GON4L: variants seen among roughly 807,000 people sequenced by gnomAD.
GON4L encodes the protein gon-4 like, also known as GON-4-like protein.
In GON4L, 87 loss-of-function variants were observed where a neutral mutation model predicts 211.8. The ratio of observed to expected loss-of-function variants is 0.41; its 90% CI spans 0.35 to 0.49. The LOEUF (loss-of-function observed/expected upper bound fraction) is 0.49. Among genes scored for constraint, GON4L ranks in the 20% least tolerant of loss-of-function variants. The probability of loss-of-function intolerance (pLI) is 0.15; values close to 1 mark genes in which losing one functional copy is unlikely to be tolerated. For missense variants in GON4L, 2,155 were observed against 2,659.5 expected, an observed-to-expected ratio of 0.81 and a Z score of 4.17; for synonymous variants, 875 against 962.6, an observed-to-expected ratio of 0.91 and a Z score of 1.68.
At position 155,749,844 on chromosome 1, in the gene GON4L, G is replaced by A; in HGVS notation, c.*740C>T. ...GTTTACAATCAAGTCTACTAAGGTT[G>A]GACTTCCTTATCAGTTTGGCGAGTC... On this transcript the variant is annotated 3_prime_UTR_variant, in exon 32 of 32. Transcript: ENST00000368331. The A allele has an allele frequency of 3.8e-6, 6 of 1,586,206 alleles. No individual in the cohort carries two copies. Among genetic ancestry groups the A allele is most frequent in the South Asian group, 1.1e-5 (1 of 88,028 alleles).
At chr1:155,853,159 A>G in intron 2 of GON4L, 117 bp downstream of exon 2, 1 of 984,392 alleles carries the variant, frequency 1.0e-6, no homozygotes. Context: ...CAGCAGTTCC[A>G]ATTCCGTACC....
intron 3 of GON4L, among the ~76,000 whole-genome samples, chr1:155,823,218 C>T (rs899676441): frequency 2.0e-5 from 3 of 152,164 alleles, no homozygotes; most frequent in Non-Finnish European, 4.4e-5. Context: ...TGTGAGCCAC[C>T]GTACCTGGCC....
intron 2 of GON4L, among the ~76,000 whole-genome samples, chr1:155,852,900 G>A (rs1571952496): frequency 1.3e-5 from 2 of 152,184 alleles, no homozygotes; most frequent in African/African-American, 4.8e-5. Flanking sequence ...ATCACCTGAG[G>A]TCAGGAGTTC....
chr1:155,856,844 G>A (rs1249351883), intron 1 of GON4L, among the ~76,000 whole-genome samples: 1 of 148,850 alleles, frequency 6.7e-6, no homozygotes, highest in East Asian at 1.9e-4. Context: ...GCAGTAGCTC[G>A]ACAGAATCCA....
At chr1:155,834,368 A>G (rs145025651) in intron 2 of GON4L, among the ~76,000 whole-genome samples, 44 of 152,174 alleles carry the variant, frequency 2.9e-4, no homozygotes, top group African/African-American at 1.1e-3. Context: ...CCTCAAGGCA[A>G]GGTTGTCTTC....
chr1:155,753,195 A>C lies in GON4L; in HGVS notation c.5842+9T>G. 1 of 1,595,190 alleles carries C rather than the reference A, an allele frequency of 6.3e-7. No homozygotes were observed. Among genetic ancestry groups the C allele is most frequent in the African/African-American group, 1.4e-5 (1 of 73,402 alleles). On this transcript the variant is annotated intron_variant, in intron 29 of 31. Coordinates refer to ENST00000368331, the MANE Select transcript of GON4L (RefSeq NM_001282860.2). ...AGGAACAGAAGGGCTGCGTTGGCAA[A>C]TCACTCACCTGAAACAGGCATCTCT...
chr1:155,790,950 A>C (rs550953051), intron 12 of GON4L, among the ~76,000 whole-genome samples: 1 of 149,546 alleles, frequency 6.7e-6, no homozygotes, highest in Non-Finnish European at 1.5e-5. Flanking sequence ...CTCAAAAAAA[A>C]ACCAACAAAC....
At chr1:155,785,983 C>G (rs1361837006) in intron 12 of GON4L, among the ~76,000 whole-genome samples, 1 of 152,012 alleles carries the variant, frequency 6.6e-6, no homozygotes, top group African/African-American at 2.4e-5. Context: ...GTAGTCCCAG[C>G]TACTCGGGAG....
chr1:155,807,227 C>T (rs1346781655), intron 10 of GON4L, among the ~76,000 whole-genome samples: 2 of 151,998 alleles, frequency 1.3e-5, no homozygotes, highest in Non-Finnish European at 2.9e-5. Context: ...CAGCAAGACC[C>T]CCATCTCTAC....
intron 1 of GON4L, among the ~76,000 whole-genome samples, chr1:155,856,150 GA>G (rs1467678584): frequency 6.6e-6 from 1 of 152,090 alleles, no homozygotes; most frequent in Non-Finnish European, 1.5e-5. Flanking sequence ...CTGAACTAGA[GA>G]ACTGAAAAAT....
At chr1:155,774,686 A>G in intron 17 of GON4L, 1 of 432,782 alleles carries the variant, frequency 2.3e-6, no homozygotes, top group Non-Finnish European at 4.3e-6. Flanking sequence ...ACCAGGCCCC[A>G]GTTTATCTCG....
intron 14 of GON4L, 72 bp downstream of exon 14, chr1:155,783,914 G>GC (rs1664666459): frequency 6.9e-6 from 11 of 1,596,510 alleles, no homozygotes. Context: ...ATTATCAATT[G>GC]CAACTTCTGA....
intron 2 of GON4L, among the ~76,000 whole-genome samples, chr1:155,827,772 G>A (rs780070325): frequency 6.6e-6 from 1 of 151,776 alleles, no homozygotes; most frequent in Non-Finnish European, 1.5e-5. Flanking sequence ...GGAGGCTGAG[G>A]CAGGAGGATC....
At chr1:155,776,529 T>C (rs375905690) in intron 15 of GON4L, 48 bp from the exon 16 acceptor site, 191 of 1,340,528 alleles carry the variant, frequency 1.4e-4, no homozygotes, top group Middle Eastern at 3.9e-4. Context: ...CACATTGTCA[T>C]TTCAGGAATC....
chr1:155,768,350 C>T (rs1243957384), intron 19 of GON4L, among the ~76,000 whole-genome samples: 1 of 148,972 alleles, frequency 6.7e-6, no homozygotes, highest in East Asian at 2.0e-4. Context: ...AGTGGCTCAC[C>T]TTGTAATCCC....
chr1:155,818,070 T>A (rs924979323), intron 6 of GON4L, among the ~76,000 whole-genome samples: 1 of 152,112 alleles, frequency 6.6e-6, no homozygotes, highest in African/African-American at 2.4e-5. Context: ...GAGCCTAATT[T>A]GATCTCCTTG....
chr1:155,756,321 C>G (rs1661174030), intron 27 of GON4L, among the ~76,000 whole-genome samples: 1 of 152,126 alleles, frequency 6.6e-6, no homozygotes, highest in African/African-American at 2.4e-5. Flanking sequence ...TCAATTGGCT[C>G]TATTTTCTCA....
intron 11 of GON4L, among the ~76,000 whole-genome samples, chr1:155,801,112 C>CAAAAAAA (rs367752032): frequency 1.4e-4 from 10 of 73,626 alleles, no homozygotes; most frequent in African/African-American, 1.8e-4. Flanking sequence ...TGCTGCTGCT[C>CAAAAAAA]AAAAAAAAAA....
At chr1:155,782,770 C>T (rs976997700) in intron 14 of GON4L, among the ~76,000 whole-genome samples, 1 of 152,050 alleles carries the variant, frequency 6.6e-6, no homozygotes, top group Non-Finnish European at 1.5e-5. Context: ...AGTGAGTATC[C>T]TGCCTCAGCC....
Sources: allele counts gnomAD v4.1 joint callset (sites outside exome capture counted in the v4.1 genomes callset), GRCh38; gene constraint gnomAD v4.1.1; transcripts MANE v1.5; gene names NCBI Gene and HGNC (gene_info 2026-07-23, HGNC 2026-07-21).